ABCG8: variants seen among roughly 807,000 people sequenced by gnomAD.
ABCG8 encodes ATP-binding cassette sub-family G member 8.
ABCG8 carries 81 observed loss-of-function variants against 71.3 expected under a neutral mutation model. The observed-to-expected ratio is 1.14, with a 90% confidence interval of 0.95 to 1.37. The LOEUF (loss-of-function observed/expected upper bound fraction) is 1.37, where lower values mean the gene tolerates loss of function less well. Among genes scored for constraint, ABCG8 ranks in the 40% most tolerant of loss-of-function variants. The pLI is 0.00. For missense variants in ABCG8, 1,119 were observed against 866.2 expected (o/e 1.29, Z -3.66); for synonymous variants, 451 against 354.7 (o/e 1.27, Z -3.05).
At position 43,872,288 on chromosome 2, in the gene ABCG8, A is replaced by ATCCG; in HGVS notation, c.1193_1194insTCCG (p.Gln398HisfsTer85). On this transcript the variant is annotated frameshift_variant, in exon 8 of 13. Transcript: ENST00000272286. LOFTEE classifies it high-confidence loss of function. ...ACGAAGATGCCTGGGGCGGTGCAGC[A>ATCCG]GTTTACGACGCTGATCCGGTAATTA... The ATCCG allele has an allele frequency of 6.2e-7, 1 of 1,613,952 alleles. No individual in the cohort carries two copies. Among genetic ancestry groups the ATCCG allele is most frequent in the Non-Finnish European group, 8.5e-7 (1 of 1,180,020 alleles).
chr2:43,860,281 T>C (rs1012976837), intron 6 of ABCG8, among the ~76,000 whole-genome samples: 5 of 151,292 alleles, frequency 3.3e-5, no homozygotes, highest in African/African-American at 1.2e-4. Context: ...GATAGAATTC[T>C]TACACTCTGG....
chr2:43,861,242 C>T (rs1325459824), intron 6 of ABCG8, among the ~76,000 whole-genome samples: 3 of 151,360 alleles, frequency 2.0e-5, no homozygotes, highest in African/African-American at 7.3e-5. Context: ...ATCTCACTAT[C>T]TTTCTTGATA....
In ABCG8 at chr2:43,877,762, G is replaced by A; in HGVS notation, c.1885-14G>A. The stretch of plus-strand genomic sequence containing the variant: ...CATCCTCCTCATGAGCCCACTGCAT[G>A]TCTGTGTCTCCAGATCCTCAGTGTC... On this transcript the variant is annotated splice_polypyrimidine_tract_variant and intron_variant, in intron 12 of 12. Transcript: ENST00000272286. 3.7e-6 allele frequency: 6 copies of A among 1,614,122 alleles called. No individual in the cohort carries two copies. The highest frequency in any genetic ancestry group is 2.2e-5 in the East Asian group (1 of 44,886).
chr2:43,852,798 G>A lies in ABCG8; in HGVS notation c.894G>A (p.Gln298=). ...SGTPIYLGAA[Q]HMVQYFTAIG... Reference sequence around the variant, plus strand: ...CCCCCATCTACTTAGGGGCGGCCCAGCACATGGTCCAGTATTTCACAGCCA... The same window carrying A: ...CCCCCATCTACTTAGGGGCGGCCCAACACATGGTCCAGTATTTCACAGCCA... Residue 298 remains glutamine (Q), a synonymous_variant, in exon 6 of 13, where the codon CAG becomes CAA. Transcript: ENST00000272286. The A allele has an allele frequency of 2.5e-6, 4 of 1,614,156 alleles. No homozygotes were observed. Among genetic ancestry groups the A allele is most frequent in the Non-Finnish European group, 3.4e-6 (4 of 1,180,018 alleles).
intron 1 of ABCG8, among the ~76,000 whole-genome samples, chr2:43,840,016 A>T (rs1232460219): frequency 1.3e-5 from 2 of 152,166 alleles, no homozygotes; most frequent in African/African-American, 4.8e-5. Flanking sequence ...ATAGCCTTTG[A>T]CTGAATTCGG....
At chr2:43,844,738 G>T in intron 2 of ABCG8, 130 bp downstream of exon 2, 1 of 702,732 alleles carries the variant, frequency 1.4e-6, no homozygotes, top group Non-Finnish European at 2.6e-6. Context: ...AGTCCACATT[G>T]ATGCCTCACG....
chr2:43,873,760 C>T (rs746229752), intron 8 of ABCG8, 27 bp from the exon 9 acceptor site: 5 of 1,612,850 alleles, frequency 3.1e-6, no homozygotes, highest in East Asian at 2.2e-5. Flanking sequence ...GCTGTTGCCT[C>T]AGCATCTCTT....
At chr2:43,847,378 T>G (rs1668776452) in intron 3 of ABCG8, 1 of 152,206 alleles carries the variant, frequency 6.6e-6, no homozygotes, top group South Asian at 2.1e-4. Flanking sequence ...CCTCTCACTC[T>G]GTCCCTGTCC....
In ABCG8 at chr2:43,852,498, G is replaced by C. The variant is rs577750414; in HGVS notation, c.694+12G>C. ...CCTGTGGAACCCAGGTGAGGGCCTG[G>C]GGGGCAGATGGGGGCAGAGGGACCT... On this transcript the variant is annotated intron_variant, in intron 5 of 12. Transcript: ENST00000272286. 4 of 1,613,522 alleles carry C rather than the reference G, an allele frequency of 2.5e-6. No homozygotes were observed. The highest frequency in any genetic ancestry group is 3.4e-6 in the Non-Finnish European group (4 of 1,179,794).
chr2:43,866,224 C>T (rs1669528417), intron 6 of ABCG8, among the ~76,000 whole-genome samples: 4 of 151,640 alleles, frequency 2.6e-5, no homozygotes, highest in South Asian at 2.1e-4. Context: ...AAACATTAGA[C>T]CTAAAACCAT....
intron 6 of ABCG8, among the ~76,000 whole-genome samples, chr2:43,868,453 T>C (rs927209463): frequency 2.6e-5 from 4 of 152,012 alleles, no homozygotes; most frequent in African/African-American, 9.7e-5. Context: ...ATTCGCACTA[T>C]CTATCTGGAT....
intron 3 of ABCG8, among the ~76,000 whole-genome samples, chr2:43,850,536 C>G (rs1051348690): frequency 1.3e-5 from 2 of 152,132 alleles, no homozygotes; most frequent in African/African-American, 4.8e-5. Context: ...TTTTGTTGTA[C>G]AGATTATTTA....
In ABCG8 at chr2:43,844,520, G is replaced by T. The variant is rs778043042; in HGVS notation, c.77G>T (p.Arg26Ile). 6 of 1,614,126 alleles carry T rather than the reference G, an allele frequency of 3.7e-6. No individual in the cohort carries two copies. The Admixed American group carries it at 8.3e-5, about 22-fold the overall frequency. Residue 26 changes from arginine (R) to isoleucine (I), a missense_variant, in exon 2 of 13, where the codon AGA becomes ATA. Transcript: ENST00000272286. Reference sequence around the variant, plus strand: ...TGTCTCCCACAGGGCCTCCAGGATAGATTGTTCTCCTCTGAAAGTGACAAC... The same window carrying T: ...TGTCTCCCACAGGGCCTCCAGGATATATTGTTCTCCTCTGAAAGTGACAAC... The part of the protein sequence containing the change: ...TPQDTSGLQD[R>I]LFSSESDNSL...
intron 2 of ABCG8, 72 bp from the exon 3 acceptor site, chr2:43,846,083 T>C: frequency 1.5e-5 from 23 of 1,559,514 alleles, no homozygotes; most frequent in Non-Finnish European, 1.9e-5. Flanking sequence ...GGAACGAAGA[T>C]GCTGAACAGA....
intron 6 of ABCG8, among the ~76,000 whole-genome samples, chr2:43,855,970 C>G (rs961462254): frequency 6.6e-6 from 1 of 152,084 alleles, no homozygotes; most frequent in Non-Finnish European, 1.5e-5. Flanking sequence ...CTCTCACTAT[C>G]TATCTGGATA....
chr2:43,878,334 A>G lies in ABCG8; in HGVS notation c.*421A>G, dbSNP rs543575281. ...TTTGGCTTCATCTTCCAGGGGCCCC[A>G]CACTCCGTGGTGAGCCACCATCAAT... On this transcript the variant is annotated 3_prime_UTR_variant, in exon 13 of 13. Transcript: ENST00000272286. 3 of 303,458 alleles carry G rather than the reference A, an allele frequency of 9.9e-6. No homozygotes were observed. Among genetic ancestry groups the G allele is most frequent in the Non-Finnish European group, 1.9e-5 (3 of 154,246 alleles). 18.8% of individuals were successfully genotyped at this position (303,458 alleles called of 1,614,324 possible). A position where few individuals can be genotyped will look rare whatever the true frequency, so the allele number is the denominator to read the frequency against.
At chr2:43,850,886 G>A (rs1317028743) in intron 3 of ABCG8, among the ~76,000 whole-genome samples, 1 of 150,826 alleles carries the variant, frequency 6.6e-6, no homozygotes, top group Non-Finnish European at 1.5e-5. Flanking sequence ...CTCCAGCCTG[G>A]GCAGCAGAGT....
In ABCG8 at chr2:43,875,206, T is replaced by C. The variant is rs142165666; in HGVS notation, c.1549T>C (p.Trp517Arg). 2.1e-5 allele frequency: 34 copies of C among 1,614,268 alleles called. No homozygotes were observed. The African/African-American group carries it at 2.7e-4, about 13-fold the overall frequency. Residue 517 changes from tryptophan to arginine, a missense_variant, in exon 11 of 13, where the codon TGG (tryptophan) becomes CGG (arginine). Transcript: ENST00000272286. ...YIIIYGMPTY[W>R]LANLRPGLQP... is the part of the protein sequence containing the mutation. ...CATCATCTACGGGATGCCCACCTAC[T>C]GGCTGGCCAACCTGAGGCCAGGCCT...
intron 6 of ABCG8, among the ~76,000 whole-genome samples, chr2:43,853,201 T>A (rs1668987925): frequency 1.3e-5 from 2 of 152,092 alleles, no homozygotes; most frequent in African/African-American, 4.8e-5. Context: ...GAAACAACCT[T>A]TAAGGTCAAG....
Sources: allele counts gnomAD v4.1 joint callset (sites outside exome capture counted in the v4.1 genomes callset), GRCh38; gene constraint gnomAD v4.1.1; transcripts MANE v1.5; gene names NCBI Gene and HGNC (gene_info 2026-07-23, HGNC 2026-07-21).